PDE3A: variants seen among roughly 807,000 people sequenced by gnomAD.
The protein encoded by PDE3A is cGMP-inhibited 3',5'-cyclic phosphodiesterase 3A.
PDE3A carries 43 observed loss-of-function variants against 98.3 expected under a neutral mutation model. The ratio of observed to expected loss-of-function variants is 0.44; its 90% confidence interval spans 0.34 to 0.56. PDE3A has a LOEUF of 0.56. PDE3A is among the 20% of genes least tolerant of loss of function. The pLI is 0.01. For missense variants in PDE3A, 1,427 were observed against 1,440.7 expected, an observed-to-expected ratio of 0.99 and a Z score of 0.15; for synonymous variants, 663 against 567.9, an observed-to-expected ratio of 1.17 and a Z score of -2.38.
At chr12:20,392,249 T>C (rs1943930560) in intron 1 of PDE3A, among the ~76,000 whole-genome samples, 1 of 152,006 alleles carries the variant, frequency 6.6e-6, no homozygotes, top group Admixed American at 6.6e-5. Context: ...GGTTTCTGCT[T>C]TGTTAAATAA....
rs546241239 is a variant in PDE3A at position 20,422,293 on chromosome 12, A to G, written c.960+52049A>G. On this transcript the variant is annotated intron_variant, in intron 1 of 15. Coordinates refer to ENST00000359062, the MANE Select transcript of PDE3A (RefSeq NM_000921.5). ...CGGGAAGTGGAGCTTGCAGTGAGCC[A>G]AGATCGCACCACTGCACTCCAGCCT... is the stretch of plus-strand genomic sequence containing the variant. Among the ~76,000 whole-genome samples the G allele has an allele frequency of 3.8e-3, 581 of 152,134 alleles. 2 individuals are homozygous for G. Among genetic ancestry groups the G allele is most frequent in the Non-Finnish European group, 6.7e-3 (456 of 67,966 alleles).
intron 15 of PDE3A, among the ~76,000 whole-genome samples, chr12:20,675,707 A>G (rs1256017074): frequency 6.6e-6 from 1 of 152,226 alleles, no homozygotes; most frequent in Non-Finnish European, 1.5e-5. Flanking sequence ...TTGTCATTAT[A>G]TAATGACTGT....
chr12:20,667,933 G>A (rs1945361022), intron 15 of PDE3A, among the ~76,000 whole-genome samples: 3 of 152,174 alleles, frequency 2.0e-5, no homozygotes, highest in Non-Finnish European at 4.4e-5. Flanking sequence ...TCCATCTGAG[G>A]TACCGGGTTC....
At chr12:20,408,750 CTCTA>C (rs1327657202) in intron 1 of PDE3A, among the ~76,000 whole-genome samples, 2 of 152,106 alleles carry the variant, frequency 1.3e-5, no homozygotes, top group Non-Finnish European at 2.9e-5. Flanking sequence ...TATTGCCGTT[CTCTA>C]TCTTATGCTT....
chr12:20,592,878 G>A (rs181393435), intron 2 of PDE3A, among the ~76,000 whole-genome samples: 1 of 152,252 alleles, frequency 6.6e-6, no homozygotes, highest in East Asian at 1.9e-4. Context: ...AAACAGTTGA[G>A]AACCATTTGT....
At chr12:20,473,390 AT>A (rs1296006864) in intron 1 of PDE3A, among the ~76,000 whole-genome samples, 2 of 152,118 alleles carry the variant, frequency 1.3e-5, no homozygotes, top group East Asian at 1.9e-4. Flanking sequence ...AGGAATCTGT[AT>A]TTTCAACATG....
In PDE3A at chr12:20,635,003, C is replaced by T. The variant is rs554113602; in HGVS notation, c.1948C>T (p.Leu650=). 6.2e-7 allele frequency: 1 copy of T among 1,613,652 alleles called. No individual in the cohort carries two copies. Residue 650 remains leucine, a synonymous_variant, in exon 8 of 16, where the codon CTG becomes TTG. Coordinates refer to ENST00000359062, the MANE Select transcript of PDE3A (RefSeq NM_000921.5). Reference sequence around the variant, plus strand: ...TGAAACAGAGTGCCTGAGAGAGCCTCTGAGGAAAGCATCGGCTTGCAGCAC... The same window carrying T: ...TGAAACAGAGTGCCTGAGAGAGCCTTTGAGGAAAGCATCGGCTTGCAGCAC... ...EDETECLREP[L]RKASACSTYA...
At chr12:20,456,322 A>T (rs1458904050) in intron 1 of PDE3A, among the ~76,000 whole-genome samples, 1 of 152,172 alleles carries the variant, frequency 6.6e-6, no homozygotes, top group Non-Finnish European at 1.5e-5. Flanking sequence ...CCTGGGGGTT[A>T]GTTTGCTTGT....
At chr12:20,536,023 A>G (rs150163854) in intron 1 of PDE3A, among the ~76,000 whole-genome samples, 51 of 152,252 alleles carry the variant, frequency 3.3e-4, no homozygotes, top group Admixed American at 1.1e-3. Flanking sequence ...TGAAATAAAA[A>G]CAATGTAAGT....
intron 15 of PDE3A, among the ~76,000 whole-genome samples, chr12:20,663,715 T>C (rs1945237606): frequency 6.6e-6 from 1 of 152,170 alleles, no homozygotes; most frequent in African/African-American, 2.4e-5. Flanking sequence ...TAACTTGCTT[T>C]TGATTTTGCA....
intron 2 of PDE3A, among the ~76,000 whole-genome samples, chr12:20,565,131 T>C: frequency 6.6e-6 from 1 of 152,148 alleles, no homozygotes; most frequent in East Asian, 1.9e-4. Flanking sequence ...AGATAGCTTA[T>C]AGTACACATT....
At chr12:20,668,278 G>T (rs1230698018) in intron 15 of PDE3A, among the ~76,000 whole-genome samples, 1 of 143,392 alleles carries the variant, frequency 7.0e-6, no homozygotes, top group African/African-American at 2.6e-5. Flanking sequence ...GGGGAGGGGC[G>T]CCCGCCATTG....
chr12:20,500,768 C>CTTTT (rs61218707), intron 1 of PDE3A, among the ~76,000 whole-genome samples: 20 of 133,336 alleles, frequency 1.5e-4, no homozygotes, highest in Non-Finnish European at 2.2e-4. Context: ...TTCTTTCTTT[C>CTTTT]TTTTTTTTTT....
chr12:20,392,427 A>G (rs986632605), intron 1 of PDE3A, among the ~76,000 whole-genome samples: 3 of 151,878 alleles, frequency 2.0e-5, no homozygotes, highest in African/African-American at 7.2e-5. Flanking sequence ...AGTCCAAGAT[A>G]CTGAAGTGGC....
At chr12:20,675,756 C>G (rs1945620096) in intron 15 of PDE3A, among the ~76,000 whole-genome samples, 1 of 152,122 alleles carries the variant, frequency 6.6e-6, no homozygotes, top group Admixed American at 6.6e-5. Context: ...TCTGTTTCAT[C>G]TAATATAAGT....
chr12:20,663,903 T>C (rs1415617560), intron 15 of PDE3A, among the ~76,000 whole-genome samples: 2 of 152,146 alleles, frequency 1.3e-5, no homozygotes, highest in Non-Finnish European at 2.9e-5. Context: ...GATTTGGCTA[T>C]GTCACCACCC....
intron 1 of PDE3A, among the ~76,000 whole-genome samples, chr12:20,433,120 C>G (rs1160253831): frequency 6.6e-6 from 1 of 152,090 alleles, no homozygotes; most frequent in African/African-American, 2.4e-5. Flanking sequence ...CCAGCAGCCT[C>G]CAAAAATCCT....
intron 9 of PDE3A, 39 bp from the exon 10 acceptor site, chr12:20,639,807 A>C: frequency 1.1e-6 from 1 of 888,024 alleles, no homozygotes; most frequent in Non-Finnish European, 1.9e-6. Context: ...TCTGACATAC[A>C]CATAGGGATG....
intron 1 of PDE3A, among the ~76,000 whole-genome samples, chr12:20,462,300 G>T (rs1945265049): frequency 6.6e-6 from 1 of 152,116 alleles, no homozygotes; most frequent in Non-Finnish European, 1.5e-5. Context: ...AGACCAGCCT[G>T]GCCAACATGG....
Sources: allele counts gnomAD v4.1 joint callset (sites outside exome capture counted in the v4.1 genomes callset), GRCh38; gene constraint gnomAD v4.1.1; transcripts MANE v1.5; gene names NCBI Gene and HGNC (gene_info 2026-07-23, HGNC 2026-07-21).